Variants in TTN observed in about 807,000 individuals in gnomAD.
The protein encoded by TTN is connectin.
In TTN, 1,525 loss-of-function variants were observed where a neutral mutation model predicts 3,223.0. That is an observed-to-expected ratio of 0.47 (90% CI 0.45 to 0.49). TTN has a LOEUF of 0.49. Ranked by LOEUF, TTN falls within the 20% of genes least tolerant of loss-of-function variation. The pLI, the probability that TTN is intolerant of heterozygous loss-of-function variation, is 0.00. For missense variants in TTN, 40,786 were observed against 43,424.0 expected (o/e 0.94, Z 5.40); for synonymous variants, 14,094 against 15,161.0 (o/e 0.93, Z 5.17).
intron 47 of TTN, chr2:178,746,271 C>T (rs1288130040): frequency 3.7e-6 from 6 of 1,612,120 alleles, no homozygotes; most frequent in Non-Finnish European, 5.1e-6. Context: ...GGAGGCATTT[C>T]AAATACTTCT....
In TTN at chr2:178,571,164, C is replaced by G; in HGVS notation, c.74968G>C (p.Gly24990Arg). The change falls in exon 326 of 363, where the codon GGC becomes CGC. Residue 24990 changes from glycine to arginine, a missense_variant. Physicochemically the swap from Gly to Arg is moderately radical, Grantham distance 125 (BLOSUM62 -2). Transcript: ENST00000589042. ...EFRVSAENIV[G>R]IGKPSKVSEC... ...GATACTTTACTCGGCTTGCCAATGC[C>G]CACGATGTTCTCTGCAGAGACTCTA... 6.2e-7 allele frequency: 1 copy of G among 1,613,482 alleles called. No individual in the cohort carries two copies. Among genetic ancestry groups the G allele is most frequent in the African/African-American group, 1.3e-5 (1 of 75,010 alleles).
In TTN at chr2:178,759,162, C is replaced by T. The variant is rs375942233; in HGVS notation, c.10125G>A (p.Val3375=). Residue 3375 remains valine (V), a synonymous_variant, in exon 44 of 363, where the codon GTG becomes GTA. Coordinates refer to ENST00000589042, the MANE Select transcript of TTN (RefSeq NM_001267550.2). The stretch of plus-strand genomic sequence containing the variant: ...TTTTCTTGTCTTTGCTGTACCACGA[C>T]ACTTTTAGATCTGCGACACAAAAGA... ...QCRVSGTDLK[V]SWYSKDKKIK... 6.2e-6 allele frequency: 10 copies of T among 1,613,956 alleles called. No individual in the cohort carries two copies. The highest frequency in any genetic ancestry group is 8.5e-6 in the Non-Finnish European group (10 of 1,179,934).
intron 33 of TTN, 66 bp from the exon 34 acceptor site, chr2:178,771,537 A>C: frequency 6.3e-6 from 10 of 1,591,180 alleles, no homozygotes; most frequent in Non-Finnish European, 8.6e-6. Flanking sequence ...AAATCTTTGC[A>C]GAAGTAAATA....
In TTN at chr2:178,672,415, G is replaced by T; in HGVS notation, c.34922C>A (p.Pro11641Gln). ...VLVPKKEAVPPAKGRTVLEEK... is the reference protein window; with the variant it reads ...VLVPKKEAVPQAKGRTVLEEK... ...GATCTTTCCAAAAATACCTTTAGCT[G>T]GGGGAACAGCTTCCTTTTTAGGCAC... is the stretch of plus-strand genomic sequence containing the variant. The change falls in exon 154 of 363, where the codon CCA (proline) becomes CAA (glutamine). Residue 11641 changes from proline (P) to glutamine (Q), a missense_variant. Coordinates refer to ENST00000589042, the MANE Select transcript of TTN (RefSeq NM_001267550.2). The T allele has an allele frequency of 6.2e-7, 1 of 1,601,734 alleles. No individual in the cohort carries two copies. Among genetic ancestry groups the T allele is most frequent in the Non-Finnish European group, 8.5e-7 (1 of 1,176,602 alleles).
Position 178,738,051 on chromosome 2 carries a change from G to C in TTN, c.14371+31C>G, listed in dbSNP as rs2081838233. ...AAAGGACAACAATATGAAATGAAGT[G>C]ACAACATCTGTGCCAATGTATGGCA... On this transcript the variant is annotated intron_variant, in intron 49 of 362. Transcript: ENST00000589042. 4 of 1,596,778 alleles carry C rather than the reference G, an allele frequency of 2.5e-6. No individual in the cohort carries two copies. In the Admixed American group the frequency reaches 6.7e-5, roughly 27 times the overall value.
intron 112 of TTN, 59 bp downstream of exon 112, chr2:178,698,777 GTTTAGAA>G: frequency 6.9e-7 from 1 of 1,443,348 alleles, no homozygotes; most frequent in Non-Finnish European, 9.4e-7. Context: ...ACCCTCCACT[GTTTAGAA>G]TTTAAAAGTT....
At position 178,728,659 on chromosome 2, in the gene TTN, T is replaced by C. The variant is rs771317701; in HGVS notation, c.19267A>G (p.Lys6423Glu). The C allele has an allele frequency of 6.2e-7, 1 of 1,613,366 alleles. No homozygotes were observed. Among genetic ancestry groups the C allele is most frequent in the East Asian group, 2.2e-5 (1 of 44,804 alleles). ...AAGTATCTACTGGGAACTATTTGTTTCCCGTCTTTAAGCCATTTCACTTTG... is the reference window on the plus strand; with the variant it reads ...AAGTATCTACTGGGAACTATTTGTTCCCCGTCTTTAAGCCATTTCACTTTG... ...ELKVKWLKDGKQIVPSRYFSM... is the reference protein window; with the variant it reads ...ELKVKWLKDGEQIVPSRYFSM... The change falls in exon 66 of 363, where the codon AAA becomes GAA. Residue 6423 changes from lysine (K) to glutamate (E), a missense_variant. Physicochemically the swap from Lys to Glu is moderately conservative, Grantham distance 56 (BLOSUM62 1). Coordinates refer to ENST00000589042, the MANE Select transcript of TTN (RefSeq NM_001267550.2).
In TTN at chr2:178,713,892, C is replaced by T. The variant is rs749662173; in HGVS notation, c.26761+5G>A. On this transcript the variant is annotated splice_donor_5th_base_variant and intron_variant, in intron 92 of 362. Coordinates refer to ENST00000589042, the MANE Select transcript of TTN (RefSeq NM_001267550.2). The stretch of plus-strand genomic sequence containing the variant: ...ATGAAGGAAAAGCCCAAGAAATCAA[C>T]CAACCTGAAACCTGCAATGAAGCTG... 1 of 1,610,466 alleles carries T rather than the reference C, an allele frequency of 6.2e-7. No homozygotes were observed. The highest frequency in any genetic ancestry group is 8.5e-7 in the Non-Finnish European group (1 of 1,177,744).
At position 178,618,671 on chromosome 2, in the gene TTN, C is replaced by G; in HGVS notation, c.46879G>C (p.Ala15627Pro). 1 of 1,612,236 alleles carries G rather than the reference C, an allele frequency of 6.2e-7. No individual in the cohort carries two copies. The highest frequency in any genetic ancestry group is 8.5e-7 in the Non-Finnish European group (1 of 1,178,964). The change falls in exon 251 of 363, where the codon GCC (alanine) becomes CCC (proline). Residue 15627 changes from alanine to proline, a missense_variant. Ala to Pro is a conservative substitution (Grantham distance 27). Coordinates refer to ENST00000589042, the MANE Select transcript of TTN (RefSeq NM_001267550.2). ...TACCTCCCTTTGTCTCCTTTCTTGG[C>G]TTCTAAAATTCTGAAAGAAGTTTGT... ...AEQTSFRILE[A>P]KKGDKGRYKI... is the part of the protein sequence containing the mutation.
chr2:178,804,184 T>G (rs1255131403), intron 2 of TTN, among the ~76,000 whole-genome samples: 1 of 152,182 alleles, frequency 6.6e-6, no homozygotes, highest in Non-Finnish European at 1.5e-5. Flanking sequence ...ACCCCATGGC[T>G]CTGTGGCTGG....
rs759887010 is a variant in TTN, at chr2:178,548,550, T to C, written c.93076A>G (p.Lys31026Glu). Residue 31026 changes from lysine (K) to glutamate (E), a missense_variant, in exon 339 of 363, where the codon AAA becomes GAA. Lys to Glu is a moderately conservative substitution (Grantham distance 56). Transcript: ENST00000589042. The surrounding 1 kb of genome is among the most constrained non-coding windows in gnomAD (Gnocchi z 4.3). ...TPGPPGPITF[K>E]DVTRGSATLM... The stretch of plus-strand genomic sequence containing the variant: ...GTAGCAGATCCCCGGGTCACATCTT[T>C]GAAGGTAATTGGGCCAGGTGGGCCT... 6.2e-7 allele frequency: 1 copy of C among 1,613,846 alleles called. No individual in the cohort carries two copies. Among genetic ancestry groups the C allele is most frequent in the East Asian group, 2.2e-5 (1 of 44,876 alleles).
chr2:178,704,013 T>G, intron 106 of TTN, 134 bp downstream of exon 106: 64 of 1,147,200 alleles, frequency 5.6e-5, no homozygotes, highest in Non-Finnish European at 7.2e-5. Context: ...ATGAATACTA[T>G]GAGAACGTGT....
rs766991039 is a variant in TTN, at chr2:178,607,840, G to C, written c.52947C>G (p.Ala17649=). Residue 17649 remains alanine (A), a synonymous_variant, in exon 276 of 363, where the codon GCC becomes GCG. Transcript: ENST00000589042. ...TTTCTCCAGGCGGTCCTTCCCCTGC[G>C]GCATTGACAGCACTCACCCGAAGTT... ...DYKLRVSAVN[A]AGEGPPGETQ... The C allele has an allele frequency of 6.2e-7, 1 of 1,612,986 alleles. No individual in the cohort carries two copies. The highest frequency in any genetic ancestry group is 1.3e-5 in the African/African-American group (1 of 74,954).
In TTN at chr2:178,776,876, G is replaced by A. The variant is rs879071879; in HGVS notation, c.4988C>T (p.Pro1663Leu). ...CTCCTTTGCTCTATATGTCCCCCGT[G>A]GGATGATTAACTTTCTCTCTGGCTC... Reference protein sequence around the residue: ...EPEPERKLIIPRGTYRAKEIA... With the variant: ...EPEPERKLIILRGTYRAKEIA... Residue 1663 changes from proline (P) to leucine (L), a missense_variant, in exon 28 of 363, where the codon CCA becomes CTA. Transcript: ENST00000589042. 6.2e-7 allele frequency: 1 copy of A among 1,612,992 alleles called. No homozygotes were observed. Among genetic ancestry groups the A allele is most frequent in the Non-Finnish European group, 8.5e-7 (1 of 1,179,678 alleles).
intron 240 of TTN, among the ~76,000 whole-genome samples, chr2:178,625,639 T>C (rs1015776297): frequency 6.6e-6 from 1 of 152,008 alleles, no homozygotes; most frequent in South Asian, 2.1e-4. Context: ...TAGTTACATA[T>C]GTATACATGT....
chr2:178,792,345 A>G, intron 9 of TTN, 148 bp from the exon 10 acceptor site: 1 of 785,806 alleles, frequency 1.3e-6, no homozygotes. Context: ...TCCCATGTTC[A>G]TAAATAAGAT....
chr2:178,704,314 G>C lies in TTN; in HGVS notation c.30056C>G (p.Ser10019Cys). The C allele has an allele frequency of 6.2e-7, 1 of 1,613,978 alleles. No homozygotes were observed. The highest frequency in any genetic ancestry group is 8.5e-7 in the Non-Finnish European group (1 of 1,179,876). ...TCQFSVPNVKSEWFRNGRILK... is the reference protein window; with the variant it reads ...TCQFSVPNVKCEWFRNGRILK... ...GATTCTGCCATTTCTGAACCATTCA[G>C]ATTTTACATTTGGTACAGAAAATTG... Residue 10019 changes from serine (S) to cysteine (C), a missense_variant, in exon 106 of 363, where the codon TCT becomes TGT. Transcript: ENST00000589042.
At chr2:178,749,487 C>A (rs2084747065) in intron 47 of TTN, 2 of 1,612,874 alleles carry the variant, frequency 1.2e-6, no homozygotes. Flanking sequence ...TAGTCCCTTA[C>A]TGAATATTCT....
chr2:178,764,039 T>A lies in TTN; in HGVS notation c.10114+138A>T, dbSNP rs553656755. On this transcript the variant is annotated intron_variant, in intron 43 of 362. Transcript: ENST00000589042. The stretch of plus-strand genomic sequence containing the variant: ...CTAATTCTTAATTTAATAATTGAAA[T>A]AAGTTTTCTGTTAGATTTCCATTAA... 1.9e-5 allele frequency: 25 copies of A among 1,294,746 alleles called. No homozygotes were observed. In the African/African-American group the frequency reaches 3.1e-4, roughly 16 times the overall value. The allele number at this position is 1,294,746 out of a possible 1,614,324, so 80.2% of individuals were successfully genotyped here.
Sources: gnomAD v4.1 joint callset for allele counts (sites outside exome capture counted in the v4.1 genomes callset) on GRCh38, gnomAD v4.1.1 for gene constraint, Gnocchi (gnomAD v3.1) non-coding constraint, MANE v1.5 for transcripts, NCBI Gene and HGNC (gene_info 2026-07-23, HGNC 2026-07-21) for gene names.